Variants in SAMD12 observed in about 807,000 individuals in gnomAD.
SAMD12 encodes the protein sterile alpha motif domain-containing protein 12.
SAMD12 carries 9 observed loss-of-function variants against 15.0 expected under a neutral mutation model. That is an observed-to-expected ratio of 0.60 (90% CI 0.36 to 1.05). The LOEUF is 1.05. SAMD12 is among the 50% of genes least tolerant of loss of function. SAMD12 has a pLI of 0.01. For synonymous variants in SAMD12, 86 were observed against 90.1 expected (o/e 0.96, Z 0.25); for missense variants, 230 against 234.2 (o/e 0.98, Z 0.12).
intron 2 of SAMD12, among the ~76,000 whole-genome samples, chr8:118,491,235 C>T (rs74724403): frequency 0.045 from 6,843 of 152,246 alleles, 303 homozygotes; most frequent in African/African-American, 0.11. Flanking sequence ...CATCTTTGCT[C>T]TTTCATCTAA....
intron 2 of SAMD12, among the ~76,000 whole-genome samples, chr8:118,571,134 G>C (rs1826999880): frequency 6.6e-6 from 1 of 152,088 alleles, no homozygotes; most frequent in Non-Finnish European, 1.5e-5. Context: ...ACTAGGAGTG[G>C]ACTAATACAA....
At chr8:118,365,473 G>A (rs963577486) in intron 4 of SAMD12, among the ~76,000 whole-genome samples, 13 of 152,108 alleles carry the variant, frequency 8.5e-5, no homozygotes, top group African/African-American at 3.1e-4. Flanking sequence ...AACTTGTTTC[G>A]TTCTCTCCTT....
the SAMD12 span, among the ~76,000 whole-genome samples, chr8:118,177,746 A>T: frequency 1.3e-5 from 2 of 152,018 alleles, no homozygotes; most frequent in Non-Finnish European, 2.9e-5. Flanking sequence ...TAAAAAAACA[A>T]CATAAAGGAG....
chr8:118,293,330 C>T (rs1814519954), intron 4 of SAMD12, among the ~76,000 whole-genome samples: 1 of 152,168 alleles, frequency 6.6e-6, no homozygotes, highest in African/African-American at 2.4e-5. Flanking sequence ...ATTTTTAATA[C>T]AACCAACTCT....
At chr8:118,175,289 C>T in the SAMD12 span, among the ~76,000 whole-genome samples, 1 of 152,082 alleles carries the variant, frequency 6.6e-6, no homozygotes, top group Non-Finnish European at 1.5e-5. Context: ...AACTGGATAG[C>T]CATATGCAGA....
chr8:118,519,100 C>G (rs1358668240), intron 2 of SAMD12, among the ~76,000 whole-genome samples: 6 of 152,184 alleles, frequency 3.9e-5, no homozygotes, highest in African/African-American at 7.2e-5. Context: ...TTTATACTGA[C>G]AAGCAAGCCT....
intron 2 of SAMD12, among the ~76,000 whole-genome samples, chr8:118,506,030 G>A (rs1478994139): frequency 6.6e-6 from 1 of 151,978 alleles, no homozygotes; most frequent in Non-Finnish European, 1.5e-5. Context: ...CTTGCTTATT[G>A]CTCTAGTCTC....
chr8:118,433,410 G>T (rs13439537), intron 3 of SAMD12, among the ~76,000 whole-genome samples: 87,044 of 145,366 alleles, frequency 0.6, 26,234 homozygotes, highest in Admixed American at 0.67. Context: ...CATTGAAAGG[G>T]TCTTTTTTTT....
intron 4 of SAMD12, among the ~76,000 whole-genome samples, chr8:118,206,281 C>T (rs748972386): frequency 2.0e-5 from 3 of 152,194 alleles, no homozygotes; most frequent in Admixed American, 6.5e-5. Flanking sequence ...TCCCCCAGTA[C>T]TTAAATAGTA....
At chr8:118,403,895 T>C (rs1188034567) in intron 3 of SAMD12, among the ~76,000 whole-genome samples, 1 of 152,258 alleles carries the variant, frequency 6.6e-6, no homozygotes, top group Non-Finnish European at 1.5e-5. Flanking sequence ...GGTATTTCCA[T>C]ATCTTTGCAA....
intron 4 of SAMD12, among the ~76,000 whole-genome samples, chr8:118,288,547 G>T (rs1358594317): frequency 2.0e-5 from 3 of 152,104 alleles, no homozygotes; most frequent in African/African-American, 7.2e-5. Context: ...ACTACAATTA[G>T]TCCACAATAA....
intron 2 of SAMD12, among the ~76,000 whole-genome samples, chr8:118,518,322 G>GA (rs1825298634): frequency 6.6e-6 from 1 of 152,166 alleles, no homozygotes; most frequent in Middle Eastern, 3.2e-3. Flanking sequence ...AGGTAAGACA[G>GA]AAAAAGCATT....
chr8:118,579,935 C>A (rs1827244238), intron 2 of SAMD12, among the ~76,000 whole-genome samples: 1 of 152,126 alleles, frequency 6.6e-6, no homozygotes, highest in African/African-American at 2.4e-5. Context: ...TTGTAGGGAG[C>A]CTTTAGAAGA....
intron 4 of SAMD12, among the ~76,000 whole-genome samples, chr8:118,203,836 G>GT (rs1279918503): frequency 6.7e-6 from 1 of 149,820 alleles, no homozygotes; most frequent in Non-Finnish European, 1.5e-5. Flanking sequence ...GCGGTGTTTG[G>GT]TTTTTTGTCC....
chr8:118,141,902 C>T, the SAMD12 span, among the ~76,000 whole-genome samples: 1 of 152,166 alleles, frequency 6.6e-6, no homozygotes, highest in Non-Finnish European at 1.5e-5. Context: ...TGGCCATCCC[C>T]TGTGATAGTT....
chr8:118,612,130 C>CA (rs771594053), intron 1 of SAMD12, among the ~76,000 whole-genome samples: 20 of 152,204 alleles, frequency 1.3e-4, no homozygotes, highest in Non-Finnish European at 2.9e-4. Context: ...CCAACCTTGG[C>CA]AGGCAAGACC....
At chr8:118,132,528 T>C in the SAMD12 span, among the ~76,000 whole-genome samples, 1 of 152,150 alleles carries the variant, frequency 6.6e-6, no homozygotes, top group Non-Finnish European at 1.5e-5. Flanking sequence ...AACTGCTTCA[T>C]AGTAGCTCAG....
intron 3 of SAMD12, among the ~76,000 whole-genome samples, chr8:118,437,152 C>T (rs914238665): frequency 6.6e-6 from 1 of 152,196 alleles, no homozygotes; most frequent in East Asian, 1.9e-4. Flanking sequence ...CTTCTAGCAT[C>T]ATAGGGCTGG....
At chr8:118,540,122 C>T (rs1357126214) in intron 2 of SAMD12, among the ~76,000 whole-genome samples, 1 of 152,168 alleles carries the variant, frequency 6.6e-6, no homozygotes, top group Admixed American at 6.6e-5. Context: ...AATCCTCTAT[C>T]TATGAGAATC....
Sources: allele counts gnomAD v4.1 joint callset (sites outside exome capture counted in the v4.1 genomes callset), GRCh38; gene constraint gnomAD v4.1.1; transcripts MANE v1.5; gene names NCBI Gene and HGNC (gene_info 2026-07-23, HGNC 2026-07-21).